The following RARB variants were observed in gnomAD, a reference collection of about 807,000 sequenced individuals.
RARB encodes the protein HBV-activated protein.
RARB carries 17 observed loss-of-function variants against 51.9 expected under a neutral mutation model. That is an observed-to-expected ratio of 0.33 (90% confidence interval 0.22 to 0.49). The LOEUF is 0.49. Ranked by LOEUF, RARB falls within the 20% of genes least tolerant of loss-of-function variation. RARB has a pLI of 0.99. For synonymous variants in RARB, 215 were observed against 195.4 expected, an observed-to-expected ratio of 1.10 and a Z score of -0.84; for missense variants, 369 against 550.8, an observed-to-expected ratio of 0.67 and a Z score of 3.30.
intron 2 of RARB, among the ~76,000 whole-genome samples, chr3:24,929,718 A>C (rs1359362735): frequency 6.6e-6 from 1 of 152,088 alleles, no homozygotes; most frequent in African/African-American, 2.4e-5. Context: ...CTGGTCTCTG[A>C]GATCTGCCCC....
intron 2 of RARB, among the ~76,000 whole-genome samples, chr3:24,904,919 A>AC (rs1275636850): frequency 6.6e-6 from 1 of 152,214 alleles, no homozygotes; most frequent in Non-Finnish European, 1.5e-5. Context: ...GGAACAAAAA[A>AC]CCAAACACTG....
intron 2 of RARB, among the ~76,000 whole-genome samples, chr3:24,993,732 T>A (rs1286374621): frequency 6.6e-6 from 1 of 152,120 alleles, no homozygotes. Flanking sequence ...CAAAATTTTT[T>A]AGCTTTTGCC....
At chr3:25,507,027 C>T (rs931403933) in intron 3 of RARB, among the ~76,000 whole-genome samples, 2 of 152,272 alleles carry the variant, frequency 1.3e-5, no homozygotes, top group South Asian at 4.1e-4. Context: ...TCATTCCACA[C>T]TCTAGGCAGA....
At chr3:24,935,486 C>G (rs1695530376) in intron 2 of RARB, among the ~76,000 whole-genome samples, 1 of 152,078 alleles carries the variant, frequency 6.6e-6, no homozygotes, top group Non-Finnish European at 1.5e-5. Context: ...TCAACCCTTG[C>G]TCATACAGTA....
chr3:25,495,715 C>T (rs1392691020), intron 2 of RARB, among the ~76,000 whole-genome samples: 2 of 152,192 alleles, frequency 1.3e-5, no homozygotes, highest in Non-Finnish European at 2.9e-5. Context: ...CAGTGTGTAA[C>T]ACAGATCTGT....
intron 2 of RARB, among the ~76,000 whole-genome samples, chr3:25,027,058 G>C (rs1697764769): frequency 1.8e-5 from 2 of 113,462 alleles, no homozygotes; most frequent in South Asian, 7.4e-4. Flanking sequence ...GGGCTCTCAA[G>C]AGCTGTACAA....
chr3:25,480,751 G>C (rs1294573951), intron 2 of RARB, among the ~76,000 whole-genome samples: 1 of 152,098 alleles, frequency 6.6e-6, no homozygotes, highest in African/African-American at 2.4e-5. Flanking sequence ...GGGAGGGCAG[G>C]GCAGGTAAGT....
At chr3:24,994,536 G>A (rs1055857057) in intron 2 of RARB, among the ~76,000 whole-genome samples, 1 of 151,962 alleles carries the variant, frequency 6.6e-6, no homozygotes, top group Non-Finnish European at 1.5e-5. Flanking sequence ...TTTGTTGTCT[G>A]TGCTTTTCAG....
intron 5 of RARB, among the ~76,000 whole-genome samples, chr3:25,284,383 C>T (rs929068646): frequency 6.6e-6 from 1 of 151,828 alleles, no homozygotes; most frequent in African/African-American, 2.4e-5. Context: ...TGAAGCCATT[C>T]AGCTTTGAGT....
chr3:24,901,254 T>C (rs1463991107), intron 2 of RARB, among the ~76,000 whole-genome samples: 1 of 152,222 alleles, frequency 6.6e-6, no homozygotes, highest in African/African-American at 2.4e-5. Flanking sequence ...AATGATTGGG[T>C]ATTTAAAGGA....
chr3:25,310,103 A>G (rs73154989), intron 5 of RARB, among the ~76,000 whole-genome samples: 7,561 of 152,240 alleles, frequency 0.05, 496 homozygotes, highest in African/African-American at 0.15. Context: ...TGATGTGTGT[A>G]GCTTCCAGGC....
chr3:25,121,375 T>C (rs1308811096), intron 3 of RARB, among the ~76,000 whole-genome samples: 1 of 152,204 alleles, frequency 6.6e-6, no homozygotes, highest in African/African-American at 2.4e-5. Flanking sequence ...TCTAGCTTCC[T>C]ATTTAGATTT....
At chr3:25,489,403 T>C (rs111828430) in intron 2 of RARB, among the ~76,000 whole-genome samples, 1 of 152,240 alleles carries the variant, frequency 6.6e-6, no homozygotes, top group Non-Finnish European at 1.5e-5. Flanking sequence ...CTTCTTCCTT[T>C]CCTTGCATAT....
chr3:25,501,746 G>A (rs537382299), intron 3 of RARB, among the ~76,000 whole-genome samples: 124 of 152,314 alleles, frequency 8.1e-4, no homozygotes, highest in Non-Finnish European at 1.3e-3. Context: ...TTTTAGGAGG[G>A]AAGGATTGTA....
chr3:25,539,161 C>A (rs1011081113), intron 3 of RARB, among the ~76,000 whole-genome samples: 4 of 152,150 alleles, frequency 2.6e-5, no homozygotes, highest in African/African-American at 9.7e-5. Flanking sequence ...ATGGTAACTG[C>A]ATAGAACTTT....
intron 3 of RARB, among the ~76,000 whole-genome samples, chr3:25,061,772 C>T (rs1387177804): frequency 6.6e-6 from 1 of 151,502 alleles, no homozygotes; most frequent in Non-Finnish European, 1.5e-5. Flanking sequence ...CTATGGTTTA[C>T]AATTTAGAGG....
At chr3:25,322,580 C>A (rs1376849437) in intron 5 of RARB, among the ~76,000 whole-genome samples, 1 of 151,984 alleles carries the variant, frequency 6.6e-6, no homozygotes, top group Non-Finnish European at 1.5e-5. Flanking sequence ...AGGATACAAA[C>A]AAAATTTTTT....
chr3:25,062,987 C>G (rs2125304612), intron 3 of RARB, among the ~76,000 whole-genome samples: 1 of 151,966 alleles, frequency 6.6e-6, no homozygotes, highest in South Asian at 2.1e-4. Flanking sequence ...AAACTTGAGT[C>G]ATACAACTCA....
At chr3:25,504,781 T>C (rs866159511) in intron 3 of RARB, among the ~76,000 whole-genome samples, 78 of 148,036 alleles carry the variant, frequency 5.3e-4, no homozygotes, top group Admixed American at 1.8e-3. Context: ...TTTTTTTTTT[T>C]TTTTTTTTTT....
Sources: gnomAD v4.1 joint callset for allele counts (sites outside exome capture counted in the v4.1 genomes callset) on GRCh38, gnomAD v4.1.1 for gene constraint, MANE v1.5 for transcripts, NCBI Gene and HGNC (gene_info 2026-07-23, HGNC 2026-07-21) for gene names.